Variants in KIF1B observed in about 807,000 individuals in gnomAD.
The protein encoded by KIF1B is kinesin-like protein KIF1B.
In KIF1B, 76 loss-of-function variants were observed where a neutral mutation model predicts 241.9. The ratio of observed to expected loss-of-function variants is 0.31; its 90% confidence interval spans 0.26 to 0.38. The LOEUF is 0.38. Ranked by LOEUF, KIF1B falls within the 10% of genes least tolerant of loss-of-function variation. KIF1B has a pLI of 1.00. For synonymous variants in KIF1B, 750 were observed against 796.7 expected, an observed-to-expected ratio of 0.94 and a Z score of 0.99; for missense variants, 1,622 against 2,271.4, an observed-to-expected ratio of 0.71 and a Z score of 5.81.
At chr1:10,250,687 A>G (rs959123952) in intron 2 of KIF1B, among the ~76,000 whole-genome samples, 2 of 152,150 alleles carry the variant, frequency 1.3e-5, no homozygotes, top group Non-Finnish European at 2.9e-5. Context: ...TTGGCTTGGC[A>G]TGGTAGTGCA....
intron 22 of KIF1B, among the ~76,000 whole-genome samples, chr1:10,315,231 G>A (rs1557709140): frequency 7.4e-6 from 1 of 135,434 alleles, no homozygotes; most frequent in Non-Finnish European, 1.5e-5. Flanking sequence ...CCAGGCTAGA[G>A]CAATGGTGCA....
At chr1:10,290,063 T>TTCTC (rs142599252) in intron 15 of KIF1B, among the ~76,000 whole-genome samples, 3 of 150,076 alleles carry the variant, frequency 2.0e-5, no homozygotes, top group Admixed American at 1.3e-4. Flanking sequence ...CATCACTTAC[T>TTCTC]TCTCTCTCTC....
At chr1:10,266,262 G>A (rs1035578516) in intron 5 of KIF1B, among the ~76,000 whole-genome samples, 8 of 152,180 alleles carry the variant, frequency 5.3e-5, no homozygotes, top group Non-Finnish European at 1.0e-4. Flanking sequence ...CAAGCCATTC[G>A]CAAGACTATT....
chr1:10,357,468 G>T (rs141142585), intron 38 of KIF1B, among the ~76,000 whole-genome samples: 328 of 152,256 alleles, frequency 2.2e-3, no homozygotes, highest in African/African-American at 7.5e-3. Context: ...CAGTGTAATG[G>T]CTCACACCTG....
rs756998231 is a variant in KIF1B, at chr1:10,337,427, G to C, written c.3316G>C (p.Glu1106Gln). 6.2e-7 allele frequency: 1 copy of C among 1,614,178 alleles called. No homozygotes were observed. Among genetic ancestry groups the C allele is most frequent in the Admixed American group, 1.7e-5 (1 of 60,020 alleles). ...GKMVMEGFSEEIGNHLKLGSA... is the reference protein window; with the variant it reads ...GKMVMEGFSEQIGNHLKLGSA... ...GATGGTAATGGAAGGGTTTTCTGAA[G>C]AGATTGGCAACCACCTGAAACTGGG... Residue 1106 changes from glutamate to glutamine, a missense_variant, in exon 31 of 49, where the codon GAG becomes CAG. Glu to Gln is a conservative substitution (Grantham distance 29). This residue lies in a region of KIF1B where 803 missense variants were observed against 1,112.0 expected (regional missense o/e 0.72). Transcript: ENST00000676179. The surrounding 1 kb of genome is among the most constrained non-coding windows in gnomAD (Gnocchi z 4.0).
chr1:10,242,487 T>C (rs1647150906), intron 2 of KIF1B, among the ~76,000 whole-genome samples: 1 of 152,180 alleles, frequency 6.6e-6, no homozygotes, highest in Admixed American at 6.5e-5. Flanking sequence ...ATAGAAAGGG[T>C]ACAAATATGA....
chr1:10,215,071 G>A (rs1323801186), intron 1 of KIF1B, among the ~76,000 whole-genome samples: 1 of 141,062 alleles, frequency 7.1e-6, no homozygotes, highest in African/African-American at 2.6e-5. Flanking sequence ...TTTGTCTTGT[G>A]GTTTTTTGTA....
At position 10,361,680 on chromosome 1, in the gene KIF1B, G is replaced by C; in HGVS notation, c.4171-12G>C. On this transcript the variant is annotated splice_polypyrimidine_tract_variant and intron_variant, in intron 39 of 48. Transcript: ENST00000676179. ...CCTGCACTTCATCAGCACCTACCCT[G>C]TCTGCTTTCAGCTGGATCATTGCAT... 2.5e-6 allele frequency: 4 copies of C among 1,613,520 alleles called. No individual in the cohort carries two copies. The highest frequency in any genetic ancestry group is 3.4e-6 in the Non-Finnish European group (4 of 1,180,026).
intron 13 of KIF1B, chr1:10,278,844 A>T: frequency 2.4e-6 from 1 of 421,770 alleles, no homozygotes; most frequent in Non-Finnish European, 4.3e-6. Flanking sequence ...TTAGTAAAGC[A>T]TTTTTTTTTA....
At chr1:10,258,395 T>C in intron 3 of KIF1B, 98 bp from the exon 4 acceptor site, 1 of 1,282,574 alleles carries the variant, frequency 7.8e-7, no homozygotes, top group Non-Finnish European at 1.1e-6. Flanking sequence ...TTTAGGTGAC[T>C]GTTCTGATTC....
chr1:10,350,546 AAT>A (rs1375226677), intron 37 of KIF1B, among the ~76,000 whole-genome samples: 3 of 152,172 alleles, frequency 2.0e-5, no homozygotes, highest in Admixed American at 2.0e-4. Context: ...GCAACAGAGC[AAT>A]ACTCCATCTC....
Position 10,316,797 on chromosome 1 carries a change from T to C in KIF1B, c.2116-3246T>C, listed in dbSNP as rs182808146. Among the ~76,000 whole-genome samples the C allele has an allele frequency of 2.4e-3, 370 of 151,872 alleles. 6 individuals carry two copies. Among genetic ancestry groups the C allele is most frequent in the Middle Eastern group, 3.4e-3 (1 of 294 alleles). ...GATTATAGGCATTGAGTCACTGTGC[T>C]TGGCCTATTTTAGTATTTATTATCC... On this transcript the variant is annotated intron_variant, in intron 22 of 48. Transcript: ENST00000676179.
At chr1:10,273,728 AAAAAAAAAAAAC>A (rs1180396010) in intron 10 of KIF1B, among the ~76,000 whole-genome samples, 109 of 89,058 alleles carry the variant, frequency 1.2e-3, no homozygotes, top group African/African-American at 2.8e-3. Flanking sequence ...AAAAAAAAAA[AAAAAAAAAAAAC>A]CCAACAAACA....
chr1:10,216,741 A>G (rs1646771694), intron 1 of KIF1B, among the ~76,000 whole-genome samples: 1 of 151,902 alleles, frequency 6.6e-6, no homozygotes, highest in South Asian at 2.1e-4. Flanking sequence ...TTGGCAGAAT[A>G]CCTTGCCTGC....
intron 37 of KIF1B, among the ~76,000 whole-genome samples, chr1:10,350,736 T>C (rs942331576): frequency 6.6e-6 from 1 of 152,294 alleles, no homozygotes; most frequent in South Asian, 2.1e-4. Flanking sequence ...GTAATTTTTT[T>C]CCCCATCCAA....
chr1:10,289,023 A>G (rs1649854902), intron 15 of KIF1B, among the ~76,000 whole-genome samples: 1 of 152,210 alleles, frequency 6.6e-6, no homozygotes, highest in Admixed American at 6.5e-5. Flanking sequence ...CATACATTGA[A>G]GTGTTTGATG....
intron 12 of KIF1B, 130 bp downstream of exon 12, chr1:10,276,529 G>C: frequency 2.8e-6 from 2 of 713,354 alleles, no homozygotes; most frequent in East Asian, 2.7e-5. Context: ...TCTCATAACA[G>C]GGAAAACTTA....
At chr1:10,267,625 A>C in intron 6 of KIF1B, 67 bp downstream of exon 6, 1 of 1,466,968 alleles carries the variant, frequency 6.8e-7, no homozygotes, top group South Asian at 1.1e-5. Context: ...TTCCCAGTTA[A>C]GGGTTTGAGG....
chr1:10,276,915 T>A (rs960399885), intron 12 of KIF1B, among the ~76,000 whole-genome samples: 1 of 152,148 alleles, frequency 6.6e-6, no homozygotes, highest in South Asian at 2.1e-4. Flanking sequence ...ACCCCATCTC[T>A]ACTAAAAATA....
Sources: gnomAD v4.1 joint callset for allele counts (sites outside exome capture counted in the v4.1 genomes callset) on GRCh38, gnomAD v4.1.1 for gene constraint, gnomAD v4.1.1 regional missense constraint, Gnocchi (gnomAD v3.1) non-coding constraint, MANE v1.5 for transcripts, NCBI Gene and HGNC (gene_info 2026-07-23, HGNC 2026-07-21) for gene names.